Variants in IFT52 observed in about 807,000 individuals in gnomAD.
IFT52 encodes the protein intraflagellar transport 52, also known as intraflagellar transport protein 52 homolog.
IFT52 carries 44 observed loss-of-function variants against 54.4 expected under a neutral mutation model. The observed-to-expected ratio is 0.81, with a 90% CI of 0.63 to 1.04. The LOEUF (loss-of-function observed/expected upper bound fraction) is 1.04, where lower values mean the gene tolerates loss of function less well. Among genes scored for constraint, IFT52 ranks in the 50% least tolerant of loss-of-function variants. The pLI is 0.00. For synonymous variants in IFT52, 181 were observed against 185.3 expected, an observed-to-expected ratio of 0.98 and a Z score of 0.19; for missense variants, 452 against 523.6, an observed-to-expected ratio of 0.86 and a Z score of 1.33.
At chr20:43,614,814 T>TC (rs1983735330) in intron 7 of IFT52, among the ~76,000 whole-genome samples, 1 of 150,546 alleles carries the variant, frequency 6.6e-6, no homozygotes, top group African/African-American at 2.4e-5. Context: ...TTTTTCTTTT[T>TC]TTTTTTTTTT....
chr20:43,614,321 A>C (rs1600479350), intron 7 of IFT52, among the ~76,000 whole-genome samples: 1 of 147,184 alleles, frequency 6.8e-6, no homozygotes, highest in African/African-American at 2.5e-5. Flanking sequence ...TGCAAGCTCC[A>C]CCTCCCGGGT....
chr20:43,640,596 C>T (rs930241246), intron 12 of IFT52, among the ~76,000 whole-genome samples: 1 of 152,214 alleles, frequency 6.6e-6, no homozygotes, highest in African/African-American at 2.4e-5. Flanking sequence ...CTTACATTTA[C>T]ACACAGAAGC....
chr20:43,613,873 TTGG>T lies in IFT52; in HGVS notation c.512_514del (p.Gly171del). ...AGGGCTCTCACCTTTGTGTATCCTT[TTGG>T]TGCCACATTGAGTGTCATGAAACCA... On this transcript the variant is annotated inframe_deletion, in exon 7 of 14. Transcript: ENST00000373030. 6.2e-7 allele frequency: 1 copy of T among 1,614,124 alleles called. No homozygotes were observed. Among genetic ancestry groups the T allele is most frequent in the Non-Finnish European group, 8.5e-7 (1 of 1,179,950 alleles).
At chr20:43,612,453 G>A (rs922897934) in intron 6 of IFT52, among the ~76,000 whole-genome samples, 1 of 152,090 alleles carries the variant, frequency 6.6e-6, no homozygotes, top group African/African-American at 2.4e-5. Context: ...AGCACTTTCG[G>A]AGGTCAAGGT....
At chr20:43,638,414 C>G (rs1223010118) in intron 12 of IFT52, among the ~76,000 whole-genome samples, 1 of 152,130 alleles carries the variant, frequency 6.6e-6, no homozygotes, top group Non-Finnish European at 1.5e-5. Flanking sequence ...TGGTCTAAAA[C>G]TCCAGACCTC....
chr20:43,600,339 C>G (rs973435131), intron 3 of IFT52, among the ~76,000 whole-genome samples: 7 of 149,738 alleles, frequency 4.7e-5, no homozygotes, highest in African/African-American at 1.7e-4. Context: ...GAGTCTTGCT[C>G]TGTCACCCAG....
intron 3 of IFT52, among the ~76,000 whole-genome samples, chr20:43,598,414 G>A (rs1982170343): frequency 6.6e-6 from 1 of 152,126 alleles, no homozygotes; most frequent in African/African-American, 2.4e-5. Context: ...GCTGAACTAG[G>A]CCAGGTGCGG....
chr20:43,608,574 C>T (rs187334560), intron 6 of IFT52, among the ~76,000 whole-genome samples: 1 of 152,158 alleles, frequency 6.6e-6, no homozygotes, highest in Non-Finnish European at 1.5e-5. Context: ...AATTGACATT[C>T]TTATGTAGTT....
intron 7 of IFT52, among the ~76,000 whole-genome samples, chr20:43,616,675 G>A (rs1363430712): frequency 2.0e-5 from 3 of 151,972 alleles, no homozygotes; most frequent in Non-Finnish European, 1.5e-5. Flanking sequence ...CTTTTGCTTT[G>A]CCTTATTTTT....
chr20:43,622,743 T>G (rs1984413894), intron 9 of IFT52, among the ~76,000 whole-genome samples: 1 of 130,808 alleles, frequency 7.6e-6, no homozygotes, highest in Non-Finnish European at 1.6e-5. Flanking sequence ...ATACATATTT[T>G]TATGTAAATA....
intron 10 of IFT52, among the ~76,000 whole-genome samples, chr20:43,633,815 C>T (rs1174363494): frequency 6.6e-6 from 1 of 152,112 alleles, no homozygotes; most frequent in Non-Finnish European, 1.5e-5. Context: ...TGAAGACCCT[C>T]ATTCCCAGGA....
At position 43,607,974 on chromosome 20, in the gene IFT52, G is replaced by A. The variant is rs964211762; in HGVS notation, c.485+2901G>A. Among the ~76,000 whole-genome samples, 9 of 152,290 alleles carry A rather than the reference G, an allele frequency of 5.9e-5. 1 individual carries two copies. Among genetic ancestry groups the A allele is most frequent in the African/African-American group, 1.7e-4 (7 of 41,566 alleles). ...AGCCCAGCCAACACAGCGAAACCCC[G>A]TCTCCACCAAAAAAAATACGAAAAC... On this transcript the variant is annotated intron_variant, in intron 6 of 13. Coordinates refer to ENST00000373030, the MANE Select transcript of IFT52 (RefSeq NM_016004.5).
chr20:43,641,439 T>C (rs1041566034), intron 12 of IFT52, among the ~76,000 whole-genome samples: 1 of 151,382 alleles, frequency 6.6e-6, no homozygotes, highest in Non-Finnish European at 1.5e-5. Flanking sequence ...GGTTTCTCCA[T>C]GTTGGTCAGG....
intron 10 of IFT52, among the ~76,000 whole-genome samples, chr20:43,635,642 A>G (rs1985477821): frequency 6.6e-6 from 1 of 152,188 alleles, no homozygotes; most frequent in Admixed American, 6.5e-5. Context: ...GGTATGTACC[A>G]CATTTTCTTT....
chr20:43,604,500 C>T (rs1034415608), intron 5 of IFT52, among the ~76,000 whole-genome samples: 3 of 151,988 alleles, frequency 2.0e-5, no homozygotes, highest in Admixed American at 2.0e-4. Context: ...CACTTGAGCC[C>T]GGGAAGCAGA....
chr20:43,595,563 A>G (rs1410785092), intron 2 of IFT52, among the ~76,000 whole-genome samples: 1 of 151,958 alleles, frequency 6.6e-6, no homozygotes, highest in Non-Finnish European at 1.5e-5. Context: ...ATAAAAAAAC[A>G]TTATTCAGAA....
chr20:43,600,304 A>ATTT (rs747896469), intron 3 of IFT52, among the ~76,000 whole-genome samples: 14 of 138,532 alleles, frequency 1.0e-4, no homozygotes, highest in African/African-American at 3.2e-4. Context: ...GTAAAGTTCT[A>ATTT]TTTTTTTTTT....
chr20:43,595,185 G>A (rs148065238), intron 2 of IFT52, among the ~76,000 whole-genome samples: 140 of 152,166 alleles, frequency 9.2e-4, no homozygotes, highest in Non-Finnish European at 1.6e-3. Context: ...AAGTGTGGTG[G>A]TGGGCGCCTG....
chr20:43,606,085 G>A (rs1238163419), intron 6 of IFT52, among the ~76,000 whole-genome samples: 1 of 151,954 alleles, frequency 6.6e-6, no homozygotes, highest in African/African-American at 2.4e-5. Context: ...GCTGTGCGTG[G>A]TAGTGGGCGC....
Sources: allele counts gnomAD v4.1 joint callset (sites outside exome capture counted in the v4.1 genomes callset), GRCh38; gene constraint gnomAD v4.1.1; transcripts MANE v1.5; gene names NCBI Gene and HGNC (gene_info 2026-07-23, HGNC 2026-07-21).